MAML3: variants seen among roughly 807,000 people sequenced by gnomAD.
The protein encoded by MAML3 is mastermind like transcriptional coactivator 3.
In MAML3, 27 loss-of-function variants were observed where a neutral mutation model predicts 101.9. That is an observed-to-expected ratio of 0.27 (90% CI 0.20 to 0.37). The LOEUF (loss-of-function observed/expected upper bound fraction) is 0.37. Ranked by LOEUF, MAML3 falls within the 10% of genes least tolerant of loss-of-function variation. The pLI, the probability that MAML3 is intolerant of heterozygous loss-of-function variation, is 1.00. For synonymous variants in MAML3, 501 were observed against 555.9 expected, an observed-to-expected ratio of 0.90 and a Z score of 1.39; for missense variants, 1,316 against 1,444.9, an observed-to-expected ratio of 0.91 and a Z score of 1.45.
At chr4:140,126,511 C>G (rs1406710111) in intron 1 of MAML3, among the ~76,000 whole-genome samples, 1 of 152,202 alleles carries the variant, frequency 6.6e-6, no homozygotes, top group Non-Finnish European at 1.5e-5. Context: ...GCCAACTGGA[C>G]TGTTCCTTTT....
At chr4:139,808,000 G>T (rs1730729522) in intron 2 of MAML3, among the ~76,000 whole-genome samples, 1 of 152,176 alleles carries the variant, frequency 6.6e-6, no homozygotes, top group Non-Finnish European at 1.5e-5. Flanking sequence ...AGAGTGGAGT[G>T]GGGAAAGGTA....
chr4:139,889,330 C>A (rs759747492), intron 2 of MAML3, 27 bp downstream of exon 2: 2 of 1,613,930 alleles, frequency 1.2e-6, no homozygotes, highest in Admixed American at 1.7e-5. Context: ...AAGAACTGCT[C>A]GAAGAGTGTG....
chr4:139,848,505 A>G (rs548346513), intron 2 of MAML3, among the ~76,000 whole-genome samples: 1 of 152,320 alleles, frequency 6.6e-6, no homozygotes, highest in South Asian at 2.1e-4. Context: ...CACACCAGCA[A>G]TTCTGACAGT....
chr4:139,796,741 C>G (rs1730515881), intron 2 of MAML3, among the ~76,000 whole-genome samples: 1 of 151,996 alleles, frequency 6.6e-6, no homozygotes, highest in Non-Finnish European at 1.5e-5. Flanking sequence ...CCCTCTACAC[C>G]AGCAATTGCA....
chr4:139,916,376 T>C (rs924047086), intron 1 of MAML3, among the ~76,000 whole-genome samples: 5 of 152,254 alleles, frequency 3.3e-5, no homozygotes, highest in African/African-American at 1.2e-4. Flanking sequence ...ACTGAGTTAC[T>C]GAGTTATAAC....
chr4:140,100,695 C>A (rs1184125206), intron 1 of MAML3, among the ~76,000 whole-genome samples: 1 of 152,032 alleles, frequency 6.6e-6, no homozygotes, highest in African/African-American at 2.4e-5. Flanking sequence ...GAGGTATACA[C>A]CATATGTGGT....
At position 140,100,055 on chromosome 4, in the gene MAML3, G is replaced by A. The variant is rs1455066280; in HGVS notation, c.468+52805C>T. On this transcript the variant is annotated intron_variant, in intron 1 of 4. Coordinates refer to ENST00000509479, the MANE Select transcript of MAML3 (RefSeq NM_018717.5). ...ACCACCCCACCCCTGCCCCTTGAAC[G>A]ACCGCAGCCCCCACGTTCCAGGCAC... Among the ~76,000 whole-genome samples the A allele has an allele frequency of 1.2e-3, 177 of 143,410 alleles. 1 individual carries two copies. The highest frequency in any genetic ancestry group is 4.4e-3 in the African/African-American group (167 of 38,194). The allele number at this position is 143,410 out of a possible 152,430, so 94.1% of individuals were successfully genotyped here. A position where few individuals can be genotyped will look rare whatever the true frequency, so the allele number is the denominator to read the frequency against.
chr4:140,073,283 G>A (rs763026650), intron 1 of MAML3, among the ~76,000 whole-genome samples: 1 of 151,310 alleles, frequency 6.6e-6, no homozygotes, highest in African/African-American at 2.4e-5. Context: ...GATTATAGGC[G>A]CCTGCCACCA....
chr4:139,787,389 C>A (rs534138467), intron 2 of MAML3, among the ~76,000 whole-genome samples: 2 of 152,186 alleles, frequency 1.3e-5, no homozygotes, highest in African/African-American at 4.8e-5. Context: ...GACACTAGAA[C>A]CAAGGAGGAA....
chr4:139,773,559 T>C (rs913867129), intron 2 of MAML3, among the ~76,000 whole-genome samples: 21 of 152,148 alleles, frequency 1.4e-4, no homozygotes, highest in Admixed American at 1.3e-3. Flanking sequence ...ATTCCAACCC[T>C]AGGTAGTGCT....
At chr4:139,919,660 G>A (rs967854482) in intron 1 of MAML3, among the ~76,000 whole-genome samples, 4 of 152,210 alleles carry the variant, frequency 2.6e-5, no homozygotes, top group Non-Finnish European at 5.9e-5. Flanking sequence ...AGACTTCATG[G>A]AATGTGGAAC....
chr4:140,143,553 G>C (rs1479288248), intron 1 of MAML3, among the ~76,000 whole-genome samples: 1 of 152,012 alleles, frequency 6.6e-6, no homozygotes, highest in Non-Finnish European at 1.5e-5. Context: ...ATGAGGTCAG[G>C]AGTTCAAGAC....
At chr4:139,843,918 C>T (rs961677040) in intron 2 of MAML3, among the ~76,000 whole-genome samples, 4 of 152,162 alleles carry the variant, frequency 2.6e-5, no homozygotes, top group African/African-American at 9.7e-5. Flanking sequence ...AAAGCTTGGC[C>T]CACAGGGCCC....
rs1392185652 is a variant in MAML3, at chr4:139,927,383, T to C, written c.469-36416A>G. 1.3e-5 allele frequency among the ~76,000 whole-genome samples: 2 copies of C among 152,204 alleles called. 1 individual carries two copies. The highest frequency in any genetic ancestry group is 2.9e-5 in the Non-Finnish European group (2 of 68,036). On this transcript the variant is annotated intron_variant, in intron 1 of 4. Transcript: ENST00000509479. Reference sequence around the variant, plus strand: ...ACTTGCTTAGGGTGGTTTATGCTGGTTTTTTCACTGTAAAGTTACTTAATT... The same window carrying C: ...ACTTGCTTAGGGTGGTTTATGCTGGCTTTTTCACTGTAAAGTTACTTAATT...
intron 2 of MAML3, among the ~76,000 whole-genome samples, chr4:139,864,445 G>A (rs1202037057): frequency 2.0e-5 from 3 of 152,136 alleles, no homozygotes; most frequent in Non-Finnish European, 4.4e-5. Context: ...TTGGGAGGCC[G>A]AGGTGGGCAG....
At chr4:140,125,685 T>C (rs984868729) in intron 1 of MAML3, among the ~76,000 whole-genome samples, 2 of 152,114 alleles carry the variant, frequency 1.3e-5, no homozygotes, top group African/African-American at 4.8e-5. Flanking sequence ...CTCAAACTCC[T>C]GACCTCACGT....
chr4:139,777,498 A>G (rs1730114753), intron 2 of MAML3, among the ~76,000 whole-genome samples: 2 of 152,134 alleles, frequency 1.3e-5, no homozygotes, highest in Admixed American at 6.5e-5. Flanking sequence ...TTCTCCTTCA[A>G]TCCATTCTCC....
At chr4:140,135,889 G>A (rs1021832277) in intron 1 of MAML3, among the ~76,000 whole-genome samples, 4 of 152,138 alleles carry the variant, frequency 2.6e-5, no homozygotes, top group South Asian at 2.1e-4. Context: ...TTGATGCGCC[G>A]GTGAAAAATG....
At chr4:140,089,002 T>C (rs185946550) in intron 1 of MAML3, among the ~76,000 whole-genome samples, 4 of 152,296 alleles carry the variant, frequency 2.6e-5, no homozygotes, top group Admixed American at 1.3e-4. Flanking sequence ...CCTAGAAACA[T>C]ATTGGTATTT....
Sources: gnomAD v4.1 joint callset for allele counts (sites outside exome capture counted in the v4.1 genomes callset) on GRCh38, gnomAD v4.1.1 for gene constraint, MANE v1.5 for transcripts, NCBI Gene and HGNC (gene_info 2026-07-23, HGNC 2026-07-21) for gene names.